DNAJC21: variants seen among roughly 807,000 people sequenced by gnomAD.
DNAJC21 encodes DnaJ heat shock protein family (Hsp40) member C21.
DNAJC21 carries 63 observed loss-of-function variants against 72.4 expected under a neutral mutation model. The ratio of observed to expected loss-of-function variants is 0.87; its 90% CI spans 0.71 to 1.07. DNAJC21 has a LOEUF of 1.07. DNAJC21 is among the 50% of genes least tolerant of loss of function. DNAJC21 has a pLI of 0.00. For synonymous variants in DNAJC21, 203 were observed against 216.7 expected, an observed-to-expected ratio of 0.94 and a Z score of 0.56; for missense variants, 634 against 644.8, an observed-to-expected ratio of 0.98 and a Z score of 0.18.
At chr5:34,940,603 T>C (rs749503338) in intron 6 of DNAJC21, among the ~76,000 whole-genome samples, 2 of 152,222 alleles carry the variant, frequency 1.3e-5, no homozygotes, top group Non-Finnish European at 2.9e-5. Flanking sequence ...CAAAAGCTTA[T>C]TAAAAAAAAG....
intron 11 of DNAJC21, 23 bp downstream of exon 11, chr5:34,954,024 T>C (rs1765461733): frequency 8.8e-6 from 14 of 1,588,434 alleles, no homozygotes; most frequent in Non-Finnish European, 1.1e-5. Context: ...CATATTCATA[T>C]CTCTTTAGCA....
At chr5:34,945,704 T>TTC in intron 8 of DNAJC21, 57 bp from the exon 9 acceptor site, 2 of 1,479,228 alleles carry the variant, frequency 1.4e-6, no homozygotes, top group South Asian at 2.8e-5. Flanking sequence ...TTTTTTTTTT[T>TTC]CCACTTACTC....
intron 10 of DNAJC21, chr5:34,951,991 A>T: frequency 3.0e-6 from 3 of 985,418 alleles, no homozygotes; most frequent in Non-Finnish European, 3.6e-6. Flanking sequence ...AGATAGATAC[A>T]TTATACCCAG....
intron 10 of DNAJC21, chr5:34,952,310 T>C: frequency 1.1e-6 from 1 of 923,226 alleles, no homozygotes; most frequent in Non-Finnish European, 1.3e-6. Flanking sequence ...GTATTATTTG[T>C]TGCCTTTTAT....
At chr5:34,933,443 T>C (rs1764665713) in intron 1 of DNAJC21, among the ~76,000 whole-genome samples, 1 of 152,126 alleles carries the variant, frequency 6.6e-6, no homozygotes, top group Non-Finnish European at 1.5e-5. Context: ...GGCTAATCTT[T>C]TGTATTTTTA....
rs1765319015 is a variant in DNAJC21, at chr5:34,950,277, C to T, written c.1293C>T (p.Pro431=). 1 of 1,613,358 alleles carries T rather than the reference C, an allele frequency of 6.2e-7. No homozygotes were observed. Among genetic ancestry groups the T allele is most frequent in the Non-Finnish European group, 8.5e-7 (1 of 1,179,768 alleles). ...QDSAKELEDS[P]QENVSVTEII... The stretch of plus-strand genomic sequence containing the variant: ...GTGCCAAAGAATTGGAAGATAGTCC[C>T]CAGGAAAATGTCAGTGTCACAGAGA... The change falls in exon 10 of 12, where the codon CCC becomes CCT. Residue 431 remains proline, a synonymous_variant. Transcript: ENST00000648817.
In DNAJC21 at chr5:34,944,921, A is replaced by G. The variant is rs546802579; in HGVS notation, c.1038A>G (p.Lys346=). ...ATCGGGAAATGGTGGCCTTGCTAAA[A>G]CAACAGCTGGAGGAGGAAGAAGAAA... ...KKHREMVALL[K]QQLEEEEENF... is the part of the protein sequence containing the mutation. The change falls in exon 8 of 12, where the codon AAA becomes AAG. Residue 346 remains lysine (K), a synonymous_variant. Transcript: ENST00000648817. 217 of 1,614,202 alleles carry G rather than the reference A, an allele frequency of 1.3e-4. No homozygotes were observed. The highest frequency in any genetic ancestry group is 1.3e-3 in the Middle Eastern group (8 of 6,062).
In DNAJC21 at chr5:34,954,677, G is replaced by GA. The variant is rs747953024; in HGVS notation, c.1559_1560insA (p.Ser520ArgfsTer2). The GA allele has an allele frequency of 1.2e-6, 2 of 1,611,254 alleles. No individual in the cohort carries two copies. Among genetic ancestry groups the GA allele is most frequent in the Admixed American group, 3.4e-5 (2 of 59,426 alleles). ...TCATCGTCTTTAAACAGCGCAACAAGTAGTCAAAGCAAGAAAGAGAAACGT... is the reference window on the plus strand; with the variant it reads ...TCATCGTCTTTAAACAGCGCAACAAGATAGTCAAAGCAAGAAAGAGAAACGT... On this transcript the variant is annotated frameshift_variant, in exon 12 of 12. Coordinates refer to ENST00000648817, the MANE Select transcript of DNAJC21 (RefSeq NM_001012339.3). LOFTEE classifies it high-confidence loss of function.
intron 7 of DNAJC21, 82 bp from the exon 8 acceptor site, chr5:34,944,785 C>A: frequency 6.4e-7 from 1 of 1,553,436 alleles, no homozygotes; most frequent in Non-Finnish European, 8.7e-7. Flanking sequence ...CTAATTTTAT[C>A]TTGGTTGCAG....
Position 34,950,413 on chromosome 5 carries a change from A to G in DNAJC21, c.1358+71A>G, listed in dbSNP as rs1765323987. On this transcript the variant is annotated intron_variant, in intron 10 of 11. Transcript: ENST00000648817. ...GTAAGGATGTAGCTTTTCATATATC[A>G]AATAAAATCTTCTTTCCCATGACTG... 4 of 1,522,826 alleles carry G rather than the reference A, an allele frequency of 2.6e-6. No homozygotes were observed. In the African/African-American group the frequency reaches 5.6e-5, roughly 21 times the overall value. 94.3% of individuals were successfully genotyped at this position (1,522,826 alleles called of 1,614,324 possible).
chr5:34,933,588 G>A, intron 1 of DNAJC21, among the ~76,000 whole-genome samples: 1 of 152,128 alleles, frequency 6.6e-6, no homozygotes, highest in Non-Finnish European at 1.5e-5. Context: ...CCAGTTGACT[G>A]TTTAGTGATG....
At chr5:34,946,616 T>C (rs994564388) in intron 9 of DNAJC21, among the ~76,000 whole-genome samples, 1 of 152,140 alleles carries the variant, frequency 6.6e-6, no homozygotes, top group Admixed American at 6.5e-5. Flanking sequence ...TCACTTAAAA[T>C]TGTAATTTGG....
chr5:34,946,063 C>T (rs1026199059), intron 9 of DNAJC21, among the ~76,000 whole-genome samples: 4 of 152,044 alleles, frequency 2.6e-5, no homozygotes, highest in African/African-American at 9.7e-5. Context: ...TATGAATTAG[C>T]TGAATTTTCA....
In DNAJC21 at chr5:34,930,009, A is replaced by G. The variant is rs553206915; in HGVS notation, c.97+93A>G. ...CCCGGGCGGACTCCGCGGAGCCAGC[A>G]GAGAGGGACCTGGCGGCCTAGGAGC... On this transcript the variant is annotated intron_variant, in intron 1 of 11. Transcript: ENST00000648817. 3,289 of 1,028,984 alleles carry G rather than the reference A, an allele frequency of 3.2e-3. 82 individuals are homozygous for G. In the African/African-American group the frequency reaches 0.05, roughly 16 times the overall value. The allele number at this position is 1,028,984 out of a possible 1,614,324, so 63.7% of individuals were successfully genotyped here. A position where few individuals can be genotyped will look rare whatever the true frequency, so the allele number is the denominator to read the frequency against.
chr5:34,953,579 ACTGTATAAAACATT>A (rs528998042), intron 10 of DNAJC21: 10 of 159,620 alleles, frequency 6.3e-5, no homozygotes, highest in Admixed American at 1.3e-4. Flanking sequence ...TTATGAAAAC[ACTGTATAAAACATT>A]CTGTATAAAA....
At chr5:34,930,125 T>G in intron 1 of DNAJC21, 6 of 373,632 alleles carry the variant, frequency 1.6e-5, no homozygotes, top group South Asian at 1.1e-4. Context: ...TCACACCCCA[T>G]CTCCTCATAC....
In DNAJC21 at chr5:34,954,836, T is replaced by C. The variant is rs1580544617; in HGVS notation, c.*122T>C. ...ATTAATTACATTGTGGAAGATTATT[T>C]TTTATCTTGTAAAAACACTTTTTTG... On this transcript the variant is annotated 3_prime_UTR_variant, in exon 12 of 12. Coordinates refer to ENST00000648817, the MANE Select transcript of DNAJC21 (RefSeq NM_001012339.3). 2.6e-6 allele frequency: 3 copies of C among 1,147,848 alleles called. No homozygotes were observed. In the East Asian group the frequency reaches 8.7e-5, roughly 33 times the overall value. The allele number at this position is 1,147,848 out of a possible 1,614,324, so 71.1% of individuals were successfully genotyped here. A position where few individuals can be genotyped will look rare whatever the true frequency, so the allele number is the denominator to read the frequency against.
intron 9 of DNAJC21, among the ~76,000 whole-genome samples, chr5:34,947,914 A>T (rs1295298474): frequency 6.6e-6 from 1 of 152,076 alleles, no homozygotes; most frequent in African/African-American, 2.4e-5. Context: ...AAATTTAAAA[A>T]TTTTAAGCAA....
At position 34,944,804 on chromosome 5, in the gene DNAJC21, C is replaced by A. The variant is rs745901246; in HGVS notation, c.984-63C>A. On this transcript the variant is annotated intron_variant, in intron 7 of 11. Coordinates refer to ENST00000648817, the MANE Select transcript of DNAJC21 (RefSeq NM_001012339.3). ...TTTTATCTTGGTTGCAGTTATCCAG[C>A]AACATTATCTGGACACGTGAACTAA... The A allele has an allele frequency of 1.8e-5, 29 of 1,585,098 alleles. No homozygotes were observed. The South Asian group carries it at 3.3e-4, about 18-fold the overall frequency.
Sources: allele counts gnomAD v4.1 joint callset (sites outside exome capture counted in the v4.1 genomes callset), GRCh38; gene constraint gnomAD v4.1.1; transcripts MANE v1.5; gene names NCBI Gene and HGNC (gene_info 2026-07-23, HGNC 2026-07-21).